MED1: variants seen among roughly 807,000 people sequenced by gnomAD.
MED1 encodes the protein mediator of RNA polymerase II transcription subunit 1.
In MED1, 17 loss-of-function variants were observed where a neutral mutation model predicts 121.3. The observed-to-expected ratio is 0.14, with a 90% CI of 0.10 to 0.21. The LOEUF (loss-of-function observed/expected upper bound fraction) is 0.21, where lower values mean the gene tolerates loss of function less well. Among genes scored for constraint, MED1 ranks in the 10% least tolerant of loss-of-function variants. The pLI is 1.00. For synonymous variants in MED1, 661 were observed against 694.4 expected, an observed-to-expected ratio of 0.95 and a Z score of 0.76; for missense variants, 1,558 against 1,919.4, an observed-to-expected ratio of 0.81 and a Z score of 3.52.
At chr17:39,450,232 G>C (rs2048769314) in intron 1 of MED1, among the ~76,000 whole-genome samples, 1 of 152,138 alleles carries the variant, frequency 6.6e-6, no homozygotes, top group African/African-American at 2.4e-5. Flanking sequence ...TTACAGGTGT[G>C]AGTCACTGCT....
At chr17:39,434,651 C>T (rs909698764) in intron 6 of MED1, among the ~76,000 whole-genome samples, 59 of 152,188 alleles carry the variant, frequency 3.9e-4, no homozygotes, top group African/African-American at 1.4e-3. Flanking sequence ...AACAACTTTC[C>T]TTTCTTTTCC....
intron 6 of MED1, among the ~76,000 whole-genome samples, chr17:39,436,887 C>A (rs1484430816): frequency 6.6e-6 from 1 of 151,990 alleles, no homozygotes; most frequent in East Asian, 1.9e-4. Context: ...TGTGCCTCAG[C>A]CTCCTGAGTA....
chr17:39,430,562 G>A (rs1461659848), intron 9 of MED1, among the ~76,000 whole-genome samples: 2 of 151,028 alleles, frequency 1.3e-5, no homozygotes, highest in Non-Finnish European at 2.9e-5. Context: ...GCGTGGTGGC[G>A]GGCGCCTGTA....
intron 16 of MED1, among the ~76,000 whole-genome samples, chr17:39,414,634 C>CTTTT (rs55829399): frequency 6.5e-5 from 4 of 61,554 alleles, no homozygotes; most frequent in Non-Finnish European, 9.3e-5. Flanking sequence ...CAGGCCCGGC[C>CTTTT]TTTTTTTTTT....
Position 39,431,204 on chromosome 17 carries a change from T to C in MED1, c.576-16A>G, listed in dbSNP as rs766189206. 24 of 1,592,298 alleles carry C rather than the reference T, an allele frequency of 1.5e-5. No homozygotes were observed. The highest frequency in any genetic ancestry group is 2.1e-5 in the Non-Finnish European group (24 of 1,160,428). On this transcript the variant is annotated splice_polypyrimidine_tract_variant and intron_variant, in intron 8 of 16. Coordinates refer to ENST00000300651, the MANE Select transcript of MED1 (RefSeq NM_004774.4). ...AGTTGCTTTCCTGTAAGACAAGTGA[T>C]CTATGTTTGCTTATATTTAATCCCT...
intron 14 of MED1, among the ~76,000 whole-genome samples, chr17:39,418,808 G>A (rs1013170187): frequency 7.2e-6 from 1 of 138,076 alleles, no homozygotes; most frequent in Admixed American, 7.5e-5. Context: ...TTTTTTTTGA[G>A]AGGGAGTCTC....
chr17:39,425,638 C>T (rs945964210), intron 10 of MED1, among the ~76,000 whole-genome samples: 3 of 151,960 alleles, frequency 2.0e-5, no homozygotes, highest in African/African-American at 4.8e-5. Context: ...CGCATCTCTA[C>T]TAAAAACACA....
chr17:39,440,434 T>C lies in MED1; in HGVS notation c.351A>G (p.Ala117=). 6.3e-7 allele frequency: 1 copy of C among 1,593,436 alleles called. No homozygotes were observed. Among genetic ancestry groups the C allele is most frequent in the South Asian group, 1.2e-5 (1 of 86,278 alleles). The part of the protein sequence containing the change: ...MFYVEVQLDP[A]GQLCDVKVAH... ...CCACTTTTACATCACAAAGCTGTCCTGCAGGATCTAACTGCACTTCCACAT... is the reference window on the plus strand; with the variant it reads ...CCACTTTTACATCACAAAGCTGTCCCGCAGGATCTAACTGCACTTCCACAT... The change falls in exon 5 of 17, where the codon GCA becomes GCG. Residue 117 remains alanine, a synonymous_variant. Coordinates refer to ENST00000300651, the MANE Select transcript of MED1 (RefSeq NM_004774.4). The surrounding 1 kb of genome is among the most constrained non-coding windows in gnomAD (Gnocchi z 4.1).
Position 39,436,924 on chromosome 17 carries a change from T to A in MED1, c.428+2241A>T, listed in dbSNP as rs114193921. ...CTGGGATTACACGTGTGAGCCACTA[T>A]GCTCAGCTACTTTTTTTTTTTTTTT... On this transcript the variant is annotated intron_variant, in intron 6 of 16. Transcript: ENST00000300651. Among the ~76,000 whole-genome samples the A allele has an allele frequency of 9.7e-3, 1,467 of 151,992 alleles. 31 individuals are homozygous for A. Among genetic ancestry groups the A allele is most frequent in the African/African-American group, 0.033 (1,387 of 41,470 alleles).
In MED1 at chr17:39,406,743, G is replaced by A; in HGVS notation, c.*732C>T. 1 of 985,336 alleles carries A rather than the reference G, an allele frequency of 1.0e-6. No homozygotes were observed. The highest frequency in any genetic ancestry group is 4.7e-5 in the South Asian group (1 of 21,272). The allele number at this position is 985,336 out of a possible 1,614,324, so 61.0% of individuals were successfully genotyped here. A position where few individuals can be genotyped will look rare whatever the true frequency, so the allele number is the denominator to read the frequency against. ...TCTGACTAATTTGCTTGGGCTTGAT[G>A]CTACAGTATTAGCACAAGCTATAAG... On this transcript the variant is annotated 3_prime_UTR_variant, in exon 17 of 17. Transcript: ENST00000300651.
chr17:39,429,702 TAAA>T (rs757034804), intron 9 of MED1, among the ~76,000 whole-genome samples: 25 of 48,964 alleles, frequency 5.1e-4, no homozygotes, highest in African/African-American at 1.9e-3. Flanking sequence ...CCTAAATGCC[TAAA>T]AAAAAAAAAA....
chr17:39,419,605 A>C (rs1414545049), intron 14 of MED1, 112 bp downstream of exon 14: 3 of 1,136,590 alleles, frequency 2.6e-6, no homozygotes, highest in Non-Finnish European at 3.8e-6. Flanking sequence ...AATATGAAAA[A>C]AAAAAAACTT....
intron 1 of MED1, among the ~76,000 whole-genome samples, chr17:39,450,057 A>T (rs1049796789): frequency 1.4e-5 from 2 of 143,318 alleles, no homozygotes. Context: ...CAGGTGATCC[A>T]CCCGCCTCAA....
At position 39,407,946 on chromosome 17, in the gene MED1, CATTTGAGG is replaced by C; in HGVS notation, c.4267_4274del (p.Pro1423GlyfsTer4). 1 of 1,614,072 alleles carries C rather than the reference CATTTGAGG, an allele frequency of 6.2e-7. No homozygotes were observed. Among genetic ancestry groups the C allele is most frequent in the Non-Finnish European group, 8.5e-7 (1 of 1,180,036 alleles). On this transcript the variant is annotated frameshift_variant, in exon 17 of 17. Transcript: ENST00000300651. LOFTEE classifies it high-confidence loss of function. ...GAGAGCCATAGTTTTTAGAAGAAGC[CATTTGAGG>C]CCTAAGCCCTTCTCCACTACTTTCC...
intron 11 of MED1, 101 bp from the exon 12 acceptor site, chr17:39,423,922 G>A: frequency 7.5e-7 from 1 of 1,340,620 alleles, no homozygotes; most frequent in Non-Finnish European, 1.0e-6. Context: ...CCCTCTTAAT[G>A]CCCAGGCTAG....
At chr17:39,415,807 T>C (rs1597855716) in intron 14 of MED1, among the ~76,000 whole-genome samples, 1 of 81,406 alleles carries the variant, frequency 1.2e-5, no homozygotes, top group South Asian at 4.9e-4. Flanking sequence ...AGAGTAAGAC[T>C]CCATCTCAAA....
intron 13 of MED1, among the ~76,000 whole-genome samples, chr17:39,422,826 GCTCATGCC>G (rs1368507458): frequency 6.7e-6 from 1 of 149,440 alleles, no homozygotes; most frequent in Non-Finnish European, 1.5e-5. Context: ...CCTAATGGAA[GCTCATGCC>G]CTTTTACTTC....
chr17:39,418,165 G>A (rs942864125), intron 14 of MED1, among the ~76,000 whole-genome samples: 4 of 149,688 alleles, frequency 2.7e-5, no homozygotes, highest in East Asian at 3.9e-4. Flanking sequence ...TCTTAAAGCT[G>A]TAAGATTAAG....
rs1567637769 is a variant in MED1, at chr17:39,408,535, G to A, written c.3686C>T (p.Ser1229Phe). 1 of 1,614,226 alleles carries A rather than the reference G, an allele frequency of 6.2e-7. No homozygotes were observed. The highest frequency in any genetic ancestry group is 8.5e-7 in the Non-Finnish European group (1 of 1,180,052). ...SKAKSPISSGSGGSHMSGTSS... is the reference protein window; with the variant it reads ...SKAKSPISSGFGGSHMSGTSS... ...AGTTCCAGACATATGAGAACCACCA[G>A]AACCTGAACTGATAGGGGACTTGGC... Residue 1229 changes from serine (S) to phenylalanine (F), a missense_variant, in exon 17 of 17, where the codon TCT becomes TTT. By Grantham distance (155) the Ser-to-Phe change is radical. This residue lies in a region of MED1 where 793 missense variants were observed against 898.2 expected (regional missense o/e 0.88). Transcript: ENST00000300651. This position sits in a 1 kb window ranked among gnomAD's most constrained non-coding sequence, Gnocchi z 4.7.
Sources: allele counts gnomAD v4.1 joint callset (sites outside exome capture counted in the v4.1 genomes callset), GRCh38; gene constraint gnomAD v4.1.1; regional missense constraint gnomAD v4.1.1; non-coding constraint Gnocchi (gnomAD v3.1); transcripts MANE v1.5; gene names NCBI Gene and HGNC (gene_info 2026-07-23, HGNC 2026-07-21).